TUBGCP5: variants seen among roughly 807,000 people sequenced by gnomAD.
TUBGCP5 encodes tubulin gamma complex component 5, also known as gamma-tubulin complex component 5.
Under a neutral mutation model 134.7 loss-of-function variants are expected in TUBGCP5, and 98 were observed. The ratio of observed to expected loss-of-function variants is 0.73; its 90% CI spans 0.62 to 0.86. The LOEUF (loss-of-function observed/expected upper bound fraction) is 0.86. Among genes scored for constraint, TUBGCP5 ranks in the 40% least tolerant of loss-of-function variants. The probability of loss-of-function intolerance (pLI) is 0.00; values close to 1 mark genes in which losing one functional copy is unlikely to be tolerated. For missense variants in TUBGCP5, 1,150 were observed against 1,244.8 expected (o/e 0.92, Z 1.15); for synonymous variants, 456 against 431.4 (o/e 1.06, Z -0.71).
chr15:23,034,787 A>G (rs1480540898), intron 3 of TUBGCP5, among the ~76,000 whole-genome samples: 2 of 152,136 alleles, frequency 1.3e-5, no homozygotes, highest in Admixed American at 6.6e-5. Flanking sequence ...AGATTGCACC[A>G]TTGCATTCCA....
chr15:23,016,966 T>C (rs2065356455), intron 13 of TUBGCP5, among the ~76,000 whole-genome samples: 1 of 60,708 alleles, frequency 1.6e-5, no homozygotes, highest in Non-Finnish European at 3.2e-5. Context: ...AAAAAAATTG[T>C]GAGATATATA....
chr15:22,990,804 T>C (rs148894100), intron 23 of TUBGCP5, among the ~76,000 whole-genome samples: 1 of 152,250 alleles, frequency 6.6e-6, no homozygotes, highest in Non-Finnish European at 1.5e-5. Flanking sequence ...CTAAATCCAA[T>C]AAGCAGTGTG....
intron 13 of TUBGCP5, among the ~76,000 whole-genome samples, chr15:23,014,362 C>G (rs1298364009): frequency 6.6e-6 from 1 of 152,198 alleles, no homozygotes; most frequent in East Asian, 1.9e-4. Flanking sequence ...GAAGAAGCCC[C>G]ATAGGCAGCG....
chr15:22,984,407 G>A (rs548644419), intron 23 of TUBGCP5, among the ~76,000 whole-genome samples: 25 of 151,916 alleles, frequency 1.6e-4, no homozygotes, highest in Non-Finnish European at 3.4e-4. Context: ...ATCATCTGAG[G>A]TCAGGAGTTC....
At chr15:23,007,313 C>T (rs1331404751) in intron 16 of TUBGCP5, among the ~76,000 whole-genome samples, 3 of 152,108 alleles carry the variant, frequency 2.0e-5, no homozygotes, top group Admixed American at 6.6e-5. Context: ...TGGCATGAAC[C>T]CGGGAGGCGG....
At chr15:23,028,057 T>C (rs371754537) in intron 6 of TUBGCP5, among the ~76,000 whole-genome samples, 1 of 151,414 alleles carries the variant, frequency 6.6e-6, no homozygotes, top group African/African-American at 2.4e-5. Context: ...AATGTAACAG[T>C]GATGCTTTAA....
At chr15:23,015,751 A>G (rs918600510) in intron 13 of TUBGCP5, among the ~76,000 whole-genome samples, 2 of 152,182 alleles carry the variant, frequency 1.3e-5, no homozygotes, top group Non-Finnish European at 2.9e-5. Flanking sequence ...AAACATCACT[A>G]AAGTGGATTA....
rs563144006 is a variant in TUBGCP5, at chr15:22,992,807, T to G, written c.*61+4038A>C. 1.4e-3 allele frequency among the ~76,000 whole-genome samples: 210 copies of G among 152,230 alleles called. 1 individual carries two copies. Among genetic ancestry groups the G allele is most frequent in the African/African-American group, 4.4e-3 (184 of 41,540 alleles). On this transcript the variant is annotated intron_variant and NMD_transcript_variant, in intron 23 of 23. Transcript: ENST00000614508. The stretch of plus-strand genomic sequence containing the variant: ...AGCCCTGCTGTTACCTGACGTTACA[T>G]GGATAGGACAGAATATACATAATAA...
In TUBGCP5 at chr15:22,999,637, G is replaced by C. The variant is rs1352823174; in HGVS notation, c.*183C>G. On this transcript the variant is annotated 3_prime_UTR_variant, in exon 23 of 23. Transcript: ENST00000615383. Reference sequence around the variant, plus strand: ...GCTGGCCTCAAACTCCTGGGCTCAAGTGATCTGCCTGTCTTGGCCTCCCAT... The same window carrying C: ...GCTGGCCTCAAACTCCTGGGCTCAACTGATCTGCCTGTCTTGGCCTCCCAT... 6.3e-6 allele frequency: 4 copies of C among 630,284 alleles called. No homozygotes were observed. The highest frequency in any genetic ancestry group is 3.7e-5 in the African/African-American group (2 of 54,452). 39.0% of individuals were successfully genotyped at this position (630,284 alleles called of 1,614,324 possible).
In TUBGCP5 at chr15:23,017,762, G is replaced by T. The variant is rs376487160; in HGVS notation, c.1756+11C>A. 6.2e-7 allele frequency: 1 copy of T among 1,609,586 alleles called. No homozygotes were observed. Among genetic ancestry groups the T allele is most frequent in the African/African-American group, 1.3e-5 (1 of 74,960 alleles). Reference sequence around the variant, plus strand: ...AACACCAAGAGAGACACAGGAAGACGGAACAAGTACCTCTGGCTCCTGCCT... The same window carrying T: ...AACACCAAGAGAGACACAGGAAGACTGAACAAGTACCTCTGGCTCCTGCCT... On this transcript the variant is annotated intron_variant, in intron 13 of 22. Transcript: ENST00000615383.
rs1381079314 is a variant in TUBGCP5, at chr15:23,017,930, C to T, written c.1599G>A (p.Ala533=). 6.2e-6 allele frequency: 10 copies of T among 1,614,088 alleles called. No individual in the cohort carries two copies. Among genetic ancestry groups the T allele is most frequent in the Non-Finnish European group, 8.5e-6 (10 of 1,180,034 alleles). ...NEEKMSDNAS[A]SSGSDQGPSS... ...AGGGCCCCTGGTCACTGCCGGAACT[C>T]GCACTAGCGTTATCACTCATTTTTT... Residue 533 remains alanine, a synonymous_variant, in exon 13 of 23, where the codon GCG becomes GCA. Transcript: ENST00000615383.
At chr15:22,992,372 C>T (rs1026257526) in intron 23 of TUBGCP5, among the ~76,000 whole-genome samples, 1 of 152,108 alleles carries the variant, frequency 6.6e-6, no homozygotes, top group East Asian at 1.9e-4. Flanking sequence ...CAACAGGCAG[C>T]CCTATGGAAA....
intron 3 of TUBGCP5, among the ~76,000 whole-genome samples, chr15:23,035,330 A>T (rs1025152650): frequency 2.5e-4 from 10 of 39,652 alleles, no homozygotes; most frequent in African/African-American, 2.0e-3. Context: ...ACTCAGTCTT[A>T]AAAAAAAAAA....
downstream of TUBGCP5, among the ~76,000 whole-genome samples, chr15:22,996,547 G>A (rs568494325): frequency 6.6e-6 from 1 of 152,304 alleles, no homozygotes; most frequent in East Asian, 1.9e-4. Flanking sequence ...GGGCTGTGGT[G>A]TGATCTTGGC....
downstream of TUBGCP5, among the ~76,000 whole-genome samples, chr15:22,994,649 G>A (rs937634829): frequency 6.6e-6 from 1 of 152,076 alleles, no homozygotes; most frequent in Non-Finnish European, 1.5e-5. Context: ...GCACTTATTC[G>A]TAAAGCCACT....
At chr15:22,999,946 T>C (rs1363358848) in intron 22 of TUBGCP5, 80 bp from the exon 23 acceptor site, 6 of 1,312,490 alleles carry the variant, frequency 4.6e-6, no homozygotes, top group African/African-American at 1.4e-5. Flanking sequence ...GGAGTCCCAC[T>C]GTCACCCAGG....
At chr15:23,000,362 C>A in intron 22 of TUBGCP5, 1 of 1,294,626 alleles carries the variant, frequency 7.7e-7, no homozygotes, top group Non-Finnish European at 9.8e-7. Context: ...AAATGGTATA[C>A]CAGAAAGTAA....
chr15:23,015,349 G>A (rs767831170), intron 13 of TUBGCP5, among the ~76,000 whole-genome samples: 52 of 151,090 alleles, frequency 3.4e-4, no homozygotes, highest in Non-Finnish European at 6.9e-4. Context: ...GCCTCCGAAA[G>A]TGCTGGGATT....
At chr15:23,006,482 A>G in intron 16 of TUBGCP5, 130 bp from the exon 17 acceptor site, 2 of 681,596 alleles carry the variant, frequency 2.9e-6, no homozygotes, top group Admixed American at 3.3e-5. Flanking sequence ...AGAAATGCAA[A>G]CATTCCAACA....
Sources: allele counts gnomAD v4.1 joint callset (sites outside exome capture counted in the v4.1 genomes callset), GRCh38; gene constraint gnomAD v4.1.1; transcripts MANE v1.5; gene names NCBI Gene and HGNC (gene_info 2026-07-23, HGNC 2026-07-21).